The following CYP7A1 variants were observed in gnomAD, a reference collection of about 807,000 sequenced individuals.
The protein encoded by CYP7A1 is cytochrome P450 7A1.
CYP7A1 carries 28 observed loss-of-function variants against 43.8 expected under a neutral mutation model. That is an observed-to-expected ratio of 0.64 (90% CI 0.47 to 0.88). The LOEUF (loss-of-function observed/expected upper bound fraction) is 0.88, where lower values mean the gene tolerates loss of function less well. Among genes scored for constraint, CYP7A1 ranks in the 40% least tolerant of loss-of-function variants. The pLI is 0.00. For missense variants in CYP7A1, 637 were observed against 611.9 expected (o/e 1.04, Z -0.43); for synonymous variants, 227 against 222.5 (o/e 1.02, Z -0.18).
Position 58,495,215 on chromosome 8 carries a change from T to TTTTATTTATTTATTTATTTATTTATTTA in CYP7A1, c.909-580_909-579insTAAATAAATAAATAAATAAATAAATAAA, listed in dbSNP as rs1554558469. The stretch of plus-strand genomic sequence containing the variant: ...ACTTTGGTGAGGGCTTTTATTTTAT[T>TTTTATTTATTTATTTATTTATTTATTTA]TTTATTTATTTATTTATTTATTTAT... On this transcript the variant is annotated intron_variant, in intron 3 of 5. Transcript: ENST00000301645. Among the ~76,000 whole-genome samples the TTTTATTTATTTATTTATTTATTTATTTA allele has an allele frequency of 5.1e-3, 732 of 143,416 alleles. 7 individuals carry two copies. The highest frequency in any genetic ancestry group is 0.015 in the African/African-American group (559 of 38,122). The allele number at this position is 143,416 out of a possible 152,430, so 94.1% of individuals were successfully genotyped here.
Position 58,500,144 on chromosome 8 carries a change from A to G in CYP7A1, c.-46T>C. The G allele has an allele frequency of 1.4e-6, 2 of 1,460,912 alleles. No individual in the cohort carries two copies. The highest frequency in any genetic ancestry group is 1.9e-6 in the Non-Finnish European group (2 of 1,040,724). The allele number at this position is 1,460,912 out of a possible 1,614,324, so 90.5% of individuals were successfully genotyped here. On this transcript the variant is annotated 5_prime_UTR_variant, in exon 1 of 6. Transcript: ENST00000301645. ...TCTCTGAGGAAGAAAATCTCTGATTAGAAAGGGAAGGATGCCACTGAAAAG... is the reference window on the plus strand; with the variant it reads ...TCTCTGAGGAAGAAAATCTCTGATTGGAAAGGGAAGGATGCCACTGAAAAG...
At position 58,496,906 on chromosome 8, in the gene CYP7A1, A is replaced by G; in HGVS notation, c.606T>C (p.Ile202=). 3 of 1,614,196 alleles carry G rather than the reference A, an allele frequency of 1.9e-6. No homozygotes were observed. The African/African-American group carries it at 4.0e-5, about 22-fold the overall frequency. Residue 202 remains isoleucine, a synonymous_variant, in exon 3 of 6, where the codon ATT becomes ATC. Transcript: ENST00000301645. ...LTRRDTQKAH[I]LNNLDNFKQF... ...GCTTGAAGTTGTCAAGATTGTTTAG[A>G]ATATGTGCTTTCTGTGTGTCCCGCC... is the stretch of plus-strand genomic sequence containing the variant.
At chr8:58,498,148 G>C in intron 2 of CYP7A1, 81 bp downstream of exon 2, 6 of 1,513,900 alleles carry the variant, frequency 4.0e-6, no homozygotes, top group Non-Finnish European at 5.5e-6. Flanking sequence ...TAAAATCTAA[G>C]TACATCAAAA....
chr8:58,498,608 C>T, intron 1 of CYP7A1, 139 bp from the exon 2 acceptor site: 4 of 866,198 alleles, frequency 4.6e-6, no homozygotes, highest in Non-Finnish European at 7.4e-6. Context: ...TGGATGGGCC[C>T]TGCTCTTTTA....
rs1809408386 is a variant in CYP7A1, at chr8:58,494,538, C to T, written c.1007G>A (p.Ser336Asn). 1.2e-6 allele frequency: 2 copies of T among 1,614,144 alleles called. No individual in the cohort carries two copies. The highest frequency in any genetic ancestry group is 1.7e-6 in the Non-Finnish European group (2 of 1,180,016). ...VSLEGNPICL[S>N]QAELNDLPVL... ...TGGCAGGTCATTCAGTTCTGCTTGA[C>T]TCAAACAAATAGGATTGCCTTCCAA... Residue 336 changes from serine (S) to asparagine (N), a missense_variant, in exon 4 of 6, where the codon AGT becomes AAT. Coordinates refer to ENST00000301645, the MANE Select transcript of CYP7A1 (RefSeq NM_000780.4).
intron 3 of CYP7A1, among the ~76,000 whole-genome samples, chr8:58,496,269 G>T (rs950504366): frequency 6.6e-6 from 1 of 152,188 alleles, no homozygotes; most frequent in Non-Finnish European, 1.5e-5. Context: ...TGGAGTTGGC[G>T]TCGTGAAGAA....
Position 58,494,537 on chromosome 8 carries a change from A to G in CYP7A1, c.1008T>C (p.Ser336=). 6.2e-7 allele frequency: 1 copy of G among 1,614,064 alleles called. No individual in the cohort carries two copies. The highest frequency in any genetic ancestry group is 8.5e-7 in the Non-Finnish European group (1 of 1,179,992). Residue 336 remains serine, a synonymous_variant, in exon 4 of 6, where the codon AGT becomes AGC. Coordinates refer to ENST00000301645, the MANE Select transcript of CYP7A1 (RefSeq NM_000780.4). The part of the protein sequence containing the change: ...VSLEGNPICL[S]QAELNDLPVL... ...CTGGCAGGTCATTCAGTTCTGCTTG[A>G]CTCAAACAAATAGGATTGCCTTCCA... is the stretch of plus-strand genomic sequence containing the variant.
chr8:58,497,202 T>C lies in CYP7A1; in HGVS notation c.322-12A>G. On this transcript the variant is annotated splice_polypyrimidine_tract_variant and intron_variant, in intron 2 of 5. Coordinates refer to ENST00000301645, the MANE Select transcript of CYP7A1 (RefSeq NM_000780.4). Reference sequence around the variant, plus strand: ...CTGTGCCCAAATGCCTGATAGCAAATAAAACATGCAGAAAAAGAAGTTAAA... The same window carrying C: ...CTGTGCCCAAATGCCTGATAGCAAACAAAACATGCAGAAAAAGAAGTTAAA... 3 of 1,591,010 alleles carry C rather than the reference T, an allele frequency of 1.9e-6. No homozygotes were observed. The highest frequency in any genetic ancestry group is 2.6e-6 in the Non-Finnish European group (3 of 1,172,738).
intron 4 of CYP7A1, among the ~76,000 whole-genome samples, chr8:58,493,503 C>T (rs1179088792): frequency 6.6e-6 from 1 of 152,158 alleles, no homozygotes; most frequent in Non-Finnish European, 1.5e-5. Flanking sequence ...TATCCTTTAA[C>T]TGTCATGTTT....
intron 4 of CYP7A1, among the ~76,000 whole-genome samples, chr8:58,493,902 A>G (rs1809397242): frequency 6.6e-6 from 1 of 152,176 alleles, no homozygotes; most frequent in South Asian, 2.1e-4. Flanking sequence ...TGGGAGGCTG[A>G]GGCAGGAGAA....
rs771884497 is a variant in CYP7A1, at chr8:58,491,698, TTTAAC to T, written c.1287_1291del (p.Leu430ValfsTer35). On this transcript the variant is annotated frameshift_variant, in exon 6 of 6. Transcript: ENST00000301645. LOFTEE classifies it high-confidence loss of function. ...CGATCCAAAGGGCATGTAGTAATAC[TTTAAC>T]TTGAGTCCATTACAATAGAAGGTAG... 1.9e-6 allele frequency: 3 copies of T among 1,613,798 alleles called. No homozygotes were observed. Among genetic ancestry groups the T allele is most frequent in the Middle Eastern group, 1.6e-4 (1 of 6,062 alleles).
intron 4 of CYP7A1, 68 bp from the exon 5 acceptor site, chr8:58,492,596 A>T: frequency 1.5e-6 from 2 of 1,364,552 alleles, no homozygotes; most frequent in Non-Finnish European, 2.1e-6. Context: ...AGAAGAACAA[A>T]CCAAGTGTTT....
rs757436505 is a variant in CYP7A1 at position 58,498,254 on chromosome 8, T to G, written c.296A>C (p.Lys99Thr). 8 of 1,614,106 alleles carry G rather than the reference T, an allele frequency of 5.0e-6. No homozygotes were observed. The Admixed American group carries it at 8.3e-5, about 17-fold the overall frequency. Reference protein sequence around the residue: ...LCHGKYFDWKKFHFATSAKAF... With the variant: ...LCHGKYFDWKTFHFATSAKAF... ...CTTCGCAGAAGTAGCAAAGTGAAAT[T>G]TTTTCCAATCAAAATATTTTCCGTG... is the stretch of plus-strand genomic sequence containing the variant. The change falls in exon 2 of 6, where the codon AAA (lysine) becomes ACA (threonine). Residue 99 changes from lysine (K) to threonine (T), a missense_variant. Physicochemically the swap from Lys to Thr is moderately conservative, Grantham distance 78. Coordinates refer to ENST00000301645, the MANE Select transcript of CYP7A1 (RefSeq NM_000780.4).
At chr8:58,498,144 C>A in intron 2 of CYP7A1, 85 bp downstream of exon 2, 1 of 1,495,072 alleles carries the variant, frequency 6.7e-7, no homozygotes, top group Non-Finnish European at 9.2e-7. Flanking sequence ...ATCATAAAAT[C>A]TAAGTACATC....
At position 58,492,412 on chromosome 8, in the gene CYP7A1, T is replaced by A. The variant is rs746027683; in HGVS notation, c.1156A>T (p.Ile386Phe). The change falls in exon 5 of 6, where the codon ATC becomes TTC. Residue 386 changes from isoleucine (I) to phenylalanine (F), a missense_variant. Transcript: ENST00000301645. ...ATTAACTGTGGGTAAAGAGCTATGA[T>A]GTCATCTTTTCGGATGTTGTAGGAA... Reference protein sequence around the residue: ...DGSYNIRKDDIIALYPQLMHL... With the variant: ...DGSYNIRKDDFIALYPQLMHL... 2 of 1,614,142 alleles carry A rather than the reference T, an allele frequency of 1.2e-6. No homozygotes were observed. The highest frequency in any genetic ancestry group is 1.7e-5 in the Admixed American group (1 of 60,030).
Position 58,496,970 on chromosome 8 carries a change from T to G in CYP7A1, c.542A>C (p.Glu181Ala). The G allele has an allele frequency of 3.1e-6, 5 of 1,614,176 alleles. No homozygotes were observed. Among genetic ancestry groups the G allele is most frequent in the Non-Finnish European group, 4.2e-6 (5 of 1,180,022 alleles). Residue 181 changes from glutamate (E) to alanine (A), a missense_variant, in exon 3 of 6, where the codon GAA (glutamate) becomes GCA (alanine). Physicochemically the swap from Glu to Ala is moderately radical, Grantham distance 107. Coordinates refer to ENST00000301645, the MANE Select transcript of CYP7A1 (RefSeq NM_000780.4). ...GCCAAAGATAGTTAAATACCCAGCT[T>G]CAAACATCACTCGGTAGCAGAAAGA... ...MYSFCYRVMF[E>A]AGYLTIFGRD...
chr8:58,490,549 A>C lies in CYP7A1; in HGVS notation c.*926T>G, dbSNP rs189057253. 6.6e-6 allele frequency: 1 copy of C among 152,348 alleles called. No homozygotes were observed. Among genetic ancestry groups the C allele is most frequent in the Non-Finnish European group, 1.5e-5 (1 of 68,018 alleles). The allele number at this position is 152,348 out of a possible 1,614,324, so 9.4% of individuals were successfully genotyped here. A position where few individuals can be genotyped will look rare whatever the true frequency, so the allele number is the denominator to read the frequency against. On this transcript the variant is annotated 3_prime_UTR_variant, in exon 6 of 6. Transcript: ENST00000301645. ...TTAAAACATATCACATAAAAGCTAC[A>C]TTTTTTCAGTGATAATGTGTATTTA... is the stretch of plus-strand genomic sequence containing the variant.
intron 3 of CYP7A1, among the ~76,000 whole-genome samples, chr8:58,496,060 C>T (rs1257335248): frequency 6.6e-6 from 1 of 152,170 alleles, no homozygotes; most frequent in Admixed American, 6.5e-5. Context: ...AGCTAAGTCT[C>T]TTATCAATAA....
chr8:58,498,812 A>G (rs1429241150), intron 1 of CYP7A1, among the ~76,000 whole-genome samples: 1 of 152,228 alleles, frequency 6.6e-6, no homozygotes, highest in East Asian at 1.9e-4. Context: ...TGCGGAAACA[A>G]AACTACATTC....
Sources: allele counts gnomAD v4.1 joint callset (sites outside exome capture counted in the v4.1 genomes callset), GRCh38; gene constraint gnomAD v4.1.1; transcripts MANE v1.5; gene names NCBI Gene and HGNC (gene_info 2026-07-23, HGNC 2026-07-21).